The following CPAMD8 variants were observed in gnomAD, a reference collection of about 807,000 sequenced individuals.
The protein encoded by CPAMD8 is C3 and PZP like alpha-2-macroglobulin domain containing 8, also known as C3 and PZP-like alpha-2-macroglobulin domain-containing protein 8.
CPAMD8 carries 146 observed loss-of-function variants against 224.7 expected under a neutral mutation model. The observed-to-expected ratio is 0.65, with a 90% CI of 0.57 to 0.75. CPAMD8 has a LOEUF of 0.75. CPAMD8 is among the 30% of genes least tolerant of loss of function. The probability of loss-of-function intolerance (pLI) is 0.00; values close to 1 mark genes in which losing one functional copy is unlikely to be tolerated. For synonymous variants in CPAMD8, 966 were observed against 1,044.6 expected (o/e 0.92, Z 1.45); for missense variants, 2,301 against 2,537.5 (o/e 0.91, Z 2.00).
In CPAMD8 at chr19:16,980,550, C is replaced by A. The variant is rs756642411; in HGVS notation, c.1532G>T (p.Arg511Leu). 1.9e-5 allele frequency: 31 copies of A among 1,613,920 alleles called. No individual in the cohort carries two copies. The highest frequency in any genetic ancestry group is 2.5e-5 in the Non-Finnish European group (30 of 1,179,986). Residue 511 changes from arginine (R) to leucine (L), a missense_variant, in exon 14 of 42, where the codon CGG becomes CTG. Arg to Leu is a moderately radical substitution (Grantham distance 102). Coordinates refer to ENST00000443236, the MANE Select transcript of CPAMD8 (RefSeq NM_015692.5). ...PAHTTQQRSK[R>L]AAPALEKPIR... ...CGGTTTCTCCAGGGCAGGGGCCGCC[C>A]GCTTGCTTCGCTGCTGGGTGGTGTG...
chr19:17,011,675 T>A lies in CPAMD8; in HGVS notation c.350A>T (p.Asn117Ile), dbSNP rs2056656407. The A allele has an allele frequency of 6.2e-7, 1 of 1,613,916 alleles. No homozygotes were observed. Among genetic ancestry groups the A allele is most frequent in the African/African-American group, 1.3e-5 (1 of 75,002 alleles). ...GCCGTCCACGGTCACCGAGGTCTGGTTGTGAAAGAGGGGCCCCTCCTCCGC... is the reference window on the plus strand; with the variant it reads ...GCCGTCCACGGTCACCGAGGTCTGGATGTGAAAGAGGGGCCCCTCCTCCGC... ...WQAEEGPLFH[N>I]QTSVTVDGRG... Residue 117 changes from asparagine (N) to isoleucine (I), a missense_variant, in exon 4 of 42, where the codon AAC becomes ATC. This residue lies in a region of CPAMD8 where 283 missense variants were observed against 340.6 expected (regional missense o/e 0.83). Coordinates refer to ENST00000443236, the MANE Select transcript of CPAMD8 (RefSeq NM_015692.5).
intron 26 of CPAMD8, among the ~76,000 whole-genome samples, chr19:16,924,105 C>T (rs967926150): frequency 2.6e-5 from 4 of 152,186 alleles, no homozygotes; most frequent in African/African-American, 9.7e-5. Context: ...CAGTCTCCCT[C>T]AGAGCCACCA....
intron 19 of CPAMD8, among the ~76,000 whole-genome samples, chr19:16,952,480 C>A (rs562656212): frequency 2.6e-5 from 4 of 152,270 alleles, no homozygotes; most frequent in African/African-American, 9.6e-5. Flanking sequence ...AGTTCCGGAC[C>A]ACCCTAGGCA....
intron 41 of CPAMD8, chr19:16,895,635 T>G: frequency 2.9e-6 from 1 of 345,378 alleles, no homozygotes; most frequent in Non-Finnish European, 5.8e-6. Context: ...AACCGCACAC[T>G]GTTAACTACA....
Position 17,009,215 on chromosome 19 carries a change from A to T in CPAMD8, c.504+88T>A, listed in dbSNP as rs546948918. The stretch of plus-strand genomic sequence containing the variant: ...GGCACAGCGGCTCAACCCAGAAGGC[A>T]GACAGTGAGCGAAGACAGACCAGAT... On this transcript the variant is annotated intron_variant, in intron 6 of 41. Coordinates refer to ENST00000443236, the MANE Select transcript of CPAMD8 (RefSeq NM_015692.5). 2 of 1,609,956 alleles carry T rather than the reference A, an allele frequency of 1.2e-6. 1 individual carries two copies. The highest frequency in any genetic ancestry group is 2.2e-5 in the South Asian group (2 of 90,868).
intron 10 of CPAMD8, 28 bp downstream of exon 10, chr19:17,000,386 G>A (rs2123019996): frequency 2.3e-6 from 2 of 866,328 alleles, no homozygotes; most frequent in East Asian, 2.4e-5. Context: ...GGTTGGGTCA[G>A]GGGGTAGAAG....
At chr19:16,963,114 C>T (rs889160296) in intron 18 of CPAMD8, among the ~76,000 whole-genome samples, 5 of 152,148 alleles carry the variant, frequency 3.3e-5, no homozygotes, top group Non-Finnish European at 5.9e-5. Context: ...ACCGTTGATG[C>T]TATGAAGAAA....
At position 16,918,446 on chromosome 19, in the gene CPAMD8, T is replaced by A. The variant is rs1201963627; in HGVS notation, c.3629+3459A>T. Among the ~76,000 whole-genome samples the A allele has an allele frequency of 3.3e-4, 14 of 41,860 alleles. No individual in the cohort carries two copies. In the East Asian group the frequency reaches 4.1e-3, roughly 12 times the overall value. 27.5% of individuals were successfully genotyped at this position (41,860 alleles called of 152,430 possible). ...AACTTTGTGGAATTTTTAAAACTTTTTTTTTTTTTTTTTTTTTAAGAGATG... is the reference window on the plus strand; with the variant it reads ...AACTTTGTGGAATTTTTAAAACTTTATTTTTTTTTTTTTTTTTAAGAGATG... On this transcript the variant is annotated intron_variant, in intron 27 of 41. Transcript: ENST00000443236.
chr19:17,023,395 G>A (rs1277685284), intron 1 of CPAMD8, among the ~76,000 whole-genome samples: 1 of 152,046 alleles, frequency 6.6e-6, no homozygotes, highest in Non-Finnish European at 1.5e-5. Flanking sequence ...CAAAGGCCCT[G>A]TAACCTCATG....
chr19:17,008,766 C>T (rs1380622070), intron 6 of CPAMD8: 3 of 637,818 alleles, frequency 4.7e-6, no homozygotes, highest in South Asian at 1.8e-5. Flanking sequence ...GGGCCTACCT[C>T]CTCATTTAGG....
At chr19:16,939,901 GTTTTTT>G (rs951268272) in intron 22 of CPAMD8, among the ~76,000 whole-genome samples, 1 of 151,030 alleles carries the variant, frequency 6.6e-6, no homozygotes, top group African/African-American at 2.4e-5. Context: ...GTTGTTTTGG[GTTTTTT>G]TTGTTTTTGT....
chr19:16,929,382 C>G (rs2053479039), intron 23 of CPAMD8, 142 bp from the exon 24 acceptor site: 1 of 659,374 alleles, frequency 1.5e-6, no homozygotes, highest in Admixed American at 2.9e-5. Context: ...TGGTGTTGGC[C>G]TAACAATGGC....
chr19:16,987,360 A>T (rs2055781685), intron 13 of CPAMD8, among the ~76,000 whole-genome samples: 2 of 151,378 alleles, frequency 1.3e-5, no homozygotes, highest in African/African-American at 4.9e-5. Flanking sequence ...CCCAAGCAAG[A>T]CAGCAGGACC....
chr19:16,906,613 C>T (rs1161144513), intron 30 of CPAMD8, among the ~76,000 whole-genome samples: 1 of 151,416 alleles, frequency 6.6e-6, no homozygotes, highest in Non-Finnish European at 1.5e-5. Flanking sequence ...CATATTGGCC[C>T]GGCTGGTCTC....
chr19:16,973,337 C>T (rs992327420), intron 17 of CPAMD8, among the ~76,000 whole-genome samples: 4 of 152,010 alleles, frequency 2.6e-5, no homozygotes, highest in African/African-American at 7.2e-5. Flanking sequence ...GGAAGGATGC[C>T]TTTGAAATTT....
chr19:16,975,244 C>T lies in CPAMD8; in HGVS notation c.1923G>A (p.Leu641=). Residue 641 remains leucine, a synonymous_variant, in exon 17 of 42, where the codon CTG becomes CTA. Transcript: ENST00000443236. Reference sequence around the variant, plus strand: ...AGGAATCAGAAACATCATAATCTTCCAGTTCCTGGAAAACCTGCAGGCAAA... The same window carrying T: ...AGGAATCAGAAACATCATAATCTTCTAGTTCCTGGAAAACCTGCAGGCAAA... ...RLTPAQVFQE[L]EDYDVSDSFG... 1 of 1,604,672 alleles carries T rather than the reference C, an allele frequency of 6.2e-7. No individual in the cohort carries two copies.
intron 18 of CPAMD8, among the ~76,000 whole-genome samples, chr19:16,967,889 A>C (rs1877306404): frequency 1.1e-5 from 1 of 89,564 alleles, no homozygotes. Context: ...ATATACACAC[A>C]CATGTGTGTG....
chr19:16,896,534 T>G lies in CPAMD8; in HGVS notation c.5197A>C (p.Ser1733Arg). The change falls in exon 40 of 42, where the codon AGC (serine) becomes CGC (arginine). Residue 1733 changes from serine to arginine, a missense_variant. Transcript: ENST00000443236. ...GCGGCCTCCCGCAGGCGGCAGGCGC[T>G]GGCGTAGACCACCCCGTCGGAGCCG... ...VCGSDGVVYA[S>R]ACRLREAACR... The G allele has an allele frequency of 6.8e-7, 1 of 1,465,162 alleles. No homozygotes were observed. The highest frequency in any genetic ancestry group is 8.9e-7 in the Non-Finnish European group (1 of 1,117,696). 90.8% of individuals were successfully genotyped at this position (1,465,162 alleles called of 1,614,324 possible). A position where few individuals can be genotyped will look rare whatever the true frequency, so the allele number is the denominator to read the frequency against.
chr19:17,002,071 T>A (rs3745343), intron 9 of CPAMD8, among the ~76,000 whole-genome samples, 195 bp downstream of exon 9: 35,644 of 144,864 alleles, frequency 0.25, 4,828 homozygotes, highest in African/African-American at 0.4. Flanking sequence ...GGGCGCCTAC[T>A]GGAGAGAGTC....
Sources: gnomAD v4.1 joint callset for allele counts (sites outside exome capture counted in the v4.1 genomes callset) on GRCh38, gnomAD v4.1.1 for gene constraint, gnomAD v4.1.1 regional missense constraint, MANE v1.5 for transcripts, NCBI Gene and HGNC (gene_info 2026-07-23, HGNC 2026-07-21) for gene names.